Variants in MECR observed in about 807,000 individuals in gnomAD.
MECR encodes the protein enoyl-[acyl-carrier-protein] reductase, mitochondrial.
In MECR, 37 loss-of-function variants were observed where a neutral mutation model predicts 49.1. The ratio of observed to expected loss-of-function variants is 0.75; its 90% CI spans 0.58 to 0.99. The LOEUF (loss-of-function observed/expected upper bound fraction) is 0.99, where lower values mean the gene tolerates loss of function less well. MECR is among the 50% of genes least tolerant of loss of function. The pLI is 0.00. For synonymous variants in MECR, 198 were observed against 191.1 expected (o/e 1.04, Z -0.30); for missense variants, 470 against 479.6 (o/e 0.98, Z 0.19).
intron 7 of MECR, among the ~76,000 whole-genome samples, chr1:29,196,470 T>G (rs529602891): frequency 2.4e-4 from 37 of 152,288 alleles, no homozygotes; most frequent in Non-Finnish European, 5.1e-4. Context: ...GTGGATCACT[T>G]GAGCCCAGGA....
the MECR span, among the ~76,000 whole-genome samples, chr1:29,175,504 G>C: frequency 6.7e-6 from 1 of 149,200 alleles, no homozygotes; most frequent in Non-Finnish European, 1.5e-5. Flanking sequence ...GACCATCCTG[G>C]GTAACACAGT....
chr1:29,176,500 A>G, the MECR span, among the ~76,000 whole-genome samples: 1 of 151,944 alleles, frequency 6.6e-6, no homozygotes, highest in Non-Finnish European at 1.5e-5. Context: ...AAAAAAAAAA[A>G]AAAGAAAAAA....
At chr1:29,226,106 T>C (rs570529364) in intron 1 of MECR, among the ~76,000 whole-genome samples, 74 of 136,268 alleles carry the variant, frequency 5.4e-4, no homozygotes, top group African/African-American at 2.0e-3. Context: ...GAGGTGGAGG[T>C]TGCAGTGAGC....
At chr1:29,168,882 T>A in the MECR span, 1 of 152,136 alleles carries the variant, frequency 6.6e-6, no homozygotes, top group Non-Finnish European at 1.5e-5. Flanking sequence ...TAAGCGTGAA[T>A]GGTAGGAGGG....
Position 29,216,110 on chromosome 1 carries a change from G to A in MECR, c.301C>T (p.Pro101Ser). The change falls in exon 3 of 10, where the codon CCT becomes TCT. Residue 101 changes from proline to serine, a missense_variant. By Grantham distance (74) the Pro-to-Ser change is moderately conservative (BLOSUM62 -1). Transcript: ENST00000263702. Reference sequence around the variant, plus strand: ...ACACCTTCGTTCCCTCCAACAGCAGGCAGTTCAGGAAGGAATCCGTAGTTT... The same window carrying A: ...ACACCTTCGTTCCCTCCAACAGCAGACAGTTCAGGAAGGAATCCGTAGTTT... Reference protein sequence around the residue: ...QGNYGFLPELPAVGGNEGVAQ... With the variant: ...QGNYGFLPELSAVGGNEGVAQ... 1.2e-6 allele frequency: 2 copies of A among 1,614,002 alleles called. No individual in the cohort carries two copies. The highest frequency in any genetic ancestry group is 8.5e-7 in the Non-Finnish European group (1 of 1,179,926).
At chr1:29,196,960 G>A (rs1674159501) in intron 7 of MECR, among the ~76,000 whole-genome samples, 1 of 152,180 alleles carries the variant, frequency 6.6e-6, no homozygotes. Flanking sequence ...AGCTGAGATT[G>A]CACTGCTGCA....
chr1:29,181,505 G>A, the MECR span: 1 of 665,894 alleles, frequency 1.5e-6, no homozygotes, highest in Non-Finnish European at 2.3e-6. Flanking sequence ...CCGCGCCCCC[G>A]AGGCGCCGCC....
At chr1:29,181,778 C>A in the MECR span, 2 of 1,549,298 alleles carry the variant, frequency 1.3e-6, no homozygotes, top group East Asian at 2.6e-5. Flanking sequence ...GATGGCTGGC[C>A]CCGGCCCCAG....
chr1:29,215,172 C>T (rs1190276911), intron 3 of MECR, among the ~76,000 whole-genome samples: 3 of 152,208 alleles, frequency 2.0e-5, no homozygotes, highest in African/African-American at 7.2e-5. Context: ...CTCCCATATG[C>T]AAACCCTCTG....
downstream of MECR, among the ~76,000 whole-genome samples, chr1:29,191,846 C>A (rs1040214185): frequency 6.6e-6 from 1 of 152,206 alleles, no homozygotes; most frequent in Non-Finnish European, 1.5e-5. Context: ...GTAAACCCAG[C>A]ACTTTGGGAG....
chr1:29,180,448 C>T, the MECR span, among the ~76,000 whole-genome samples: 1 of 152,184 alleles, frequency 6.6e-6, no homozygotes, highest in Non-Finnish European at 1.5e-5. Context: ...TTTGAAATGG[C>T]TTTTTAAACC....
chr1:29,183,229 T>C, the MECR span, among the ~76,000 whole-genome samples: 75 of 152,336 alleles, frequency 4.9e-4, no homozygotes, highest in African/African-American at 1.7e-3. Flanking sequence ...ACACAAAATA[T>C]ATTTTGAAAA....
At chr1:29,194,951 A>G (rs1310366861) in intron 9 of MECR, among the ~76,000 whole-genome samples, 2 of 151,960 alleles carry the variant, frequency 1.3e-5, no homozygotes, top group African/African-American at 4.8e-5. Flanking sequence ...CCCCATTTCT[A>G]CTAAAAATAC....
chr1:29,182,754 G>A, the MECR span, among the ~76,000 whole-genome samples: 1 of 152,186 alleles, frequency 6.6e-6, no homozygotes, highest in Non-Finnish European at 1.5e-5. Flanking sequence ...ATATTGGCCA[G>A]GCAGGTCTCA....
chr1:29,216,052 G>A lies in MECR; in HGVS notation c.359C>T (p.Thr120Ile), dbSNP rs143521506. The A allele has an allele frequency of 1.9e-6, 3 of 1,613,986 alleles. No individual in the cohort carries two copies. In the African/African-American group the frequency reaches 4.0e-5, roughly 22 times the overall value. The change falls in exon 3 of 10, where the codon ACC (threonine) becomes ATC (isoleucine). Residue 120 changes from threonine to isoleucine, a missense_variant. Thr to Ile is a moderately conservative substitution (Grantham distance 89). Coordinates refer to ENST00000263702, the MANE Select transcript of MECR (RefSeq NM_016011.5). Reference protein sequence around the residue: ...AQVVAVGSNVTGLKPGDWVIP... With the variant: ...AQVVAVGSNVIGLKPGDWVIP... The stretch of plus-strand genomic sequence containing the variant: ...CACCCAGTCTCCTGGCTTCAGCCCG[G>A]TCACATTGCTGCCCACCGCTACCAC...
At chr1:29,212,595 C>T (rs545834142) in intron 3 of MECR, among the ~76,000 whole-genome samples, 1 of 152,158 alleles carries the variant, frequency 6.6e-6, no homozygotes, top group African/African-American at 2.4e-5. Flanking sequence ...ACTCCATGCC[C>T]TCTTCTCCAG....
At chr1:29,194,291 G>T in intron 9 of MECR, 112 bp from the exon 10 acceptor site, 4 of 1,224,106 alleles carry the variant, frequency 3.3e-6, no homozygotes, top group Non-Finnish European at 4.5e-6. Flanking sequence ...ATAAAGCCTT[G>T]AGAGTCCTGG....
At chr1:29,202,118 C>T in intron 5 of MECR, 73 bp from the exon 6 acceptor site, 2 of 1,291,936 alleles carry the variant, frequency 1.5e-6, no homozygotes, top group Non-Finnish European at 1.1e-6. Flanking sequence ...ACCTCTCTGC[C>T]ACAGCTGGGA....
intron 1 of MECR, chr1:29,229,046 C>T (rs1682809756): frequency 6.6e-6 from 1 of 152,146 alleles, no homozygotes; most frequent in Non-Finnish European, 1.5e-5. Flanking sequence ...TGACACAATG[C>T]TTTATTACCT....
Sources: allele counts gnomAD v4.1 joint callset (sites outside exome capture counted in the v4.1 genomes callset), GRCh38; gene constraint gnomAD v4.1.1; transcripts MANE v1.5; gene names NCBI Gene and HGNC (gene_info 2026-07-23, HGNC 2026-07-21).